The following CRBN variants were observed in gnomAD, a reference collection of about 807,000 sequenced individuals.
CRBN encodes protein cereblon.
Under a neutral mutation model 62.2 loss-of-function variants are expected in CRBN, and 53 were observed. That is an observed-to-expected ratio of 0.85 (90% CI 0.68 to 1.07). The LOEUF (loss-of-function observed/expected upper bound fraction) is 1.07, where lower values mean the gene tolerates loss of function less well. Ranked by LOEUF, CRBN falls within the 50% of genes least tolerant of loss-of-function variation. CRBN has a pLI of 0.00. For missense variants in CRBN, 616 were observed against 531.1 expected, an observed-to-expected ratio of 1.16 and a Z score of -1.57; for synonymous variants, 208 against 176.1, an observed-to-expected ratio of 1.18 and a Z score of -1.43.
At chr3:3,178,118 A>G (rs1707904825) in intron 1 of CRBN, among the ~76,000 whole-genome samples, 1 of 152,144 alleles carries the variant, frequency 6.6e-6, no homozygotes, top group African/African-American at 2.4e-5. Flanking sequence ...TCGACAGAAG[A>G]TCAGTATCCT....
intron 5 of CRBN, among the ~76,000 whole-genome samples, chr3:3,162,330 A>G (rs905438918): frequency 7.6e-4 from 115 of 152,008 alleles, no homozygotes; most frequent in African/African-American, 2.6e-3. Context: ...TTTTTTGAGG[A>G]GGATTTTTAC....
chr3:3,149,747 A>C (rs1054916412), downstream of CRBN: 3 of 152,164 alleles, frequency 2.0e-5, no homozygotes, highest in African/African-American at 7.2e-5. Context: ...TTACATAAAT[A>C]TGCAGTGTGA....
intron 10 of CRBN, 82 bp from the exon 11 acceptor site, chr3:3,151,127 C>A: frequency 7.1e-7 from 1 of 1,413,842 alleles, no homozygotes; most frequent in South Asian, 1.2e-5. Flanking sequence ...TGAAGACAGA[C>A]TTTAGAGGCA....
At chr3:3,152,408 A>G (rs766329828) in intron 10 of CRBN, 48 bp downstream of exon 10, 14 of 1,585,506 alleles carry the variant, frequency 8.8e-6, no homozygotes, top group South Asian at 8.1e-5. Flanking sequence ...TTTCTGCCCA[A>G]TTAAGGTAAA....
At chr3:3,168,606 G>C (rs558487190) in intron 4 of CRBN, among the ~76,000 whole-genome samples, 7 of 152,236 alleles carry the variant, frequency 4.6e-5, no homozygotes, top group Admixed American at 6.5e-5. Flanking sequence ...GACTGACAAA[G>C]TCAAATATAT....
At chr3:3,175,295 A>G in intron 1 of CRBN, 26 bp from the exon 2 acceptor site, 1 of 1,466,538 alleles carries the variant, frequency 6.8e-7, no homozygotes, top group Non-Finnish European at 9.5e-7. Flanking sequence ...ATTGTAAGAA[A>G]AAAAAAAAGA....
At chr3:3,151,492 G>GT (rs1559239158) in intron 10 of CRBN, among the ~76,000 whole-genome samples, 1 of 152,070 alleles carries the variant, frequency 6.6e-6, no homozygotes. Context: ...GTCTCAAAAA[G>GT]TAAATATTTA....
intron 4 of CRBN, among the ~76,000 whole-genome samples, chr3:3,170,350 T>A (rs1381714705): frequency 6.6e-6 from 1 of 152,230 alleles, no homozygotes; most frequent in Non-Finnish European, 1.5e-5. Context: ...TTTTAATTTT[T>A]ATTTTTCTAT....
chr3:3,154,727 A>C lies in CRBN; in HGVS notation c.835+20T>G, dbSNP rs758031042. 2.7e-5 allele frequency: 37 copies of C among 1,380,130 alleles called. No homozygotes were observed. Among genetic ancestry groups the C allele is most frequent in the Non-Finnish European group, 3.7e-5 (36 of 967,014 alleles). The allele number at this position is 1,380,130 out of a possible 1,614,324, so 85.5% of individuals were successfully genotyped here. A position where few individuals can be genotyped will look rare whatever the true frequency, so the allele number is the denominator to read the frequency against. ...TAGCAAGACATCCCAGGCTCCAGGC[A>C]GGAAACTAACTTTTCATACCTATTG... On this transcript the variant is annotated intron_variant, in intron 7 of 10. Coordinates refer to ENST00000231948, the MANE Select transcript of CRBN (RefSeq NM_016302.4).
chr3:3,173,705 G>A (rs1707720105), intron 3 of CRBN, among the ~76,000 whole-genome samples: 1 of 152,114 alleles, frequency 6.6e-6, no homozygotes, highest in Non-Finnish European at 1.5e-5. Context: ...CACTCTTTTG[G>A]AAAAGTAATC....
At chr3:3,159,007 G>T (rs1669337) in intron 5 of CRBN, among the ~76,000 whole-genome samples, 138,442 of 151,986 alleles carry the variant, frequency 0.91, 64,433 homozygotes, top group East Asian at 1. Flanking sequence ...AGACGGTTTT[G>T]ACCCTTTTGC....
At chr3:3,177,268 C>A (rs1041799534) in intron 1 of CRBN, among the ~76,000 whole-genome samples, 21 of 152,210 alleles carry the variant, frequency 1.4e-4, no homozygotes, top group African/African-American at 4.6e-4. Flanking sequence ...ACGAAATAAT[C>A]ATTTGTTTTC....
intron 5 of CRBN, among the ~76,000 whole-genome samples, chr3:3,164,348 G>A (rs916076359): frequency 2.6e-5 from 4 of 152,302 alleles, no homozygotes; most frequent in African/African-American, 9.6e-5. Context: ...TGCTACTCTG[G>A]TGAAAGCCAA....
At position 3,174,174 on chromosome 3, in the gene CRBN, T is replaced by C. The variant is rs753340354; in HGVS notation, c.262A>G (p.Met88Val). ...GTCTGTCCGGGAATCAGGATCATCA[T>C]CACTTGTGGAAGAACTGGAATCACC... ...CQVIPVLPQV[M>V]MILIPGQTLP... is the part of the protein sequence containing the mutation. The change falls in exon 3 of 11, where the codon ATG (methionine) becomes GTG (valine). Residue 88 changes from methionine (M) to valine (V), a missense_variant. By Grantham distance (21) the Met-to-Val change is conservative. Transcript: ENST00000231948. The C allele has an allele frequency of 1.2e-6, 2 of 1,614,152 alleles. No homozygotes were observed. The highest frequency in any genetic ancestry group is 1.6e-4 in the Middle Eastern group (1 of 6,062).
intron 2 of CRBN, 132 bp downstream of exon 2, chr3:3,175,027 TACTG>T: frequency 1.2e-5 from 2 of 166,050 alleles, no homozygotes; most frequent in South Asian, 1.1e-4. Flanking sequence ...AATGTTTATC[TACTG>T]GCAAATAGCC....
At position 3,163,662 on chromosome 3, in the gene CRBN, C is replaced by T. The variant is rs192582262; in HGVS notation, c.687+3972G>A. ...CACTTGAGTCAGGAATTAACTACCA[C>T]TGCTCTCACTCTATACTTAGAACTT... On this transcript the variant is annotated intron_variant, in intron 5 of 10. Transcript: ENST00000231948. Among the ~76,000 whole-genome samples, 562 of 152,320 alleles carry T rather than the reference C, an allele frequency of 3.7e-3. 2 individuals carry two copies. The highest frequency in any genetic ancestry group is 0.01 in the Middle Eastern group (3 of 294).
chr3:3,175,164 G>A lies in CRBN; in HGVS notation c.173C>T (p.Thr58Ile). The A allele has an allele frequency of 6.3e-7, 1 of 1,584,950 alleles. No homozygotes were observed. The highest frequency in any genetic ancestry group is 1.3e-5 in the African/African-American group (1 of 74,378). Residue 58 changes from threonine (T) to isoleucine (I), a missense_variant and splice_region_variant, in exon 2 of 11, where the codon ACA becomes ATA. Physicochemically the swap from Thr to Ile is moderately conservative, Grantham distance 89. Coordinates refer to ENST00000231948, the MANE Select transcript of CRBN (RefSeq NM_016302.4). ...NFDTSLPTSH[T>I]YLGADMEEFH... Reference sequence around the variant, plus strand: ...TAGATCTGTCACTAAATTACATACTGTATGTGATGTCGGCAGACTGGTGTC... The same window carrying A: ...TAGATCTGTCACTAAATTACATACTATATGTGATGTCGGCAGACTGGTGTC...
At chr3:3,165,006 T>C (rs1399154360) in intron 5 of CRBN, among the ~76,000 whole-genome samples, 4 of 152,154 alleles carry the variant, frequency 2.6e-5, no homozygotes, top group Non-Finnish European at 5.9e-5. Flanking sequence ...AACAGGAATT[T>C]AGAAGAAGTT....
intron 6 of CRBN, 52 bp downstream of exon 6, chr3:3,156,166 TA>T: frequency 1.4e-6 from 2 of 1,436,708 alleles, no homozygotes; most frequent in Non-Finnish European, 2.0e-6. Context: ...TAATGACCCT[TA>T]ATTATGACAT....
Sources: gnomAD v4.1 joint callset for allele counts (sites outside exome capture counted in the v4.1 genomes callset) on GRCh38, gnomAD v4.1.1 for gene constraint, MANE v1.5 for transcripts, NCBI Gene and HGNC (gene_info 2026-07-23, HGNC 2026-07-21) for gene names.